Variants in ZFYVE28 observed in about 807,000 individuals in gnomAD.
ZFYVE28 encodes the protein lateral signaling target protein 2 homolog.
Under a neutral mutation model 82.1 loss-of-function variants are expected in ZFYVE28, and 40 were observed. The ratio of observed to expected loss-of-function variants is 0.49; its 90% confidence interval spans 0.38 to 0.63. ZFYVE28 has a LOEUF of 0.63. Ranked by LOEUF, ZFYVE28 falls within the 30% of genes least tolerant of loss-of-function variation. The probability of loss-of-function intolerance (pLI) is 0.00; values close to 1 mark genes in which losing one functional copy is unlikely to be tolerated. For missense variants in ZFYVE28, 1,321 were observed against 1,242.1 expected (o/e 1.06, Z -0.96); for synonymous variants, 612 against 546.1 (o/e 1.12, Z -1.68).
In ZFYVE28 at chr4:2,292,279, AG is replaced by A. The variant is rs140356550; in HGVS notation, c.2051+12009del. 4.3e-3 allele frequency among the ~76,000 whole-genome samples: 652 copies of A among 152,354 alleles called. 5 individuals carry two copies. Among genetic ancestry groups the A allele is most frequent in the African/African-American group, 0.015 (610 of 41,586 alleles). ...GCAGCTGTGGGACTCAGTGAGACCC[AG>A]CTGGCAAAGCTCCCTACATCTTCGT... is the stretch of plus-strand genomic sequence containing the variant. On this transcript the variant is annotated intron_variant, in intron 8 of 12. Coordinates refer to ENST00000290974, the MANE Select transcript of ZFYVE28 (RefSeq NM_020972.3).
chr4:2,303,840 A>G (rs17768643), intron 8 of ZFYVE28, among the ~76,000 whole-genome samples: 52,430 of 152,182 alleles, frequency 0.34, 9,185 homozygotes, highest in Non-Finnish European at 0.38. Context: ...TGAGCCAGGC[A>G]GCCACAGTGG....
chr4:2,388,223 T>C (rs1216093093), intron 1 of ZFYVE28, among the ~76,000 whole-genome samples: 1 of 152,182 alleles, frequency 6.6e-6, no homozygotes, highest in Non-Finnish European at 1.5e-5. Flanking sequence ...ACATAAAAAC[T>C]GGCAATCACG....
intron 7 of ZFYVE28, chr4:2,318,893 A>G (rs1240809077): frequency 6.6e-6 from 1 of 152,314 alleles, no homozygotes; most frequent in Non-Finnish European, 1.5e-5. Flanking sequence ...ATTGTTTTTA[A>G]TTAGCTGGGC....
chr4:2,417,645 G>A lies in ZFYVE28; in HGVS notation c.39+640C>T, dbSNP rs541799046. Among the ~76,000 whole-genome samples, 14 of 152,184 alleles carry A rather than the reference G, an allele frequency of 9.2e-5. No individual in the cohort carries two copies. Among genetic ancestry groups the A allele is most frequent in the African/African-American group, 3.4e-4 (14 of 41,542 alleles). On this transcript the variant is annotated intron_variant, in intron 1 of 12. Transcript: ENST00000290974. This position sits in a 1 kb window ranked among gnomAD's most constrained non-coding sequence, Gnocchi z 4.8. The stretch of plus-strand genomic sequence containing the variant: ...GGACAAGGGAGGGGACGCGAACTGG[G>A]CCGAGGTGTGGGTCAGTCCTGGTTC...
At chr4:2,396,858 T>C (rs1055097980) in intron 1 of ZFYVE28, among the ~76,000 whole-genome samples, 5 of 152,214 alleles carry the variant, frequency 3.3e-5, no homozygotes, top group African/African-American at 1.2e-4. Flanking sequence ...TACCTGACCC[T>C]GAAGGGGCTT....
At chr4:2,390,273 G>C (rs1382813548) in intron 1 of ZFYVE28, among the ~76,000 whole-genome samples, 1 of 152,220 alleles carries the variant, frequency 6.6e-6, no homozygotes, top group Non-Finnish European at 1.5e-5. Flanking sequence ...GGTTCCAAGA[G>C]GAACCAGCCC....
chr4:2,368,694 G>A (rs1461624470), intron 1 of ZFYVE28, among the ~76,000 whole-genome samples: 3 of 152,234 alleles, frequency 2.0e-5, no homozygotes, highest in African/African-American at 7.2e-5. Context: ...TGGATGGACA[G>A]ACCACATTTT....
intron 1 of ZFYVE28, among the ~76,000 whole-genome samples, chr4:2,406,068 A>AAGAAAGAG (rs1178919316): frequency 6.9e-6 from 1 of 144,074 alleles, no homozygotes; most frequent in Non-Finnish European, 1.5e-5. Context: ...AAAAAAAAGA[A>AAGAAAGAG]AGAAAGAAAG....
intron 1 of ZFYVE28, among the ~76,000 whole-genome samples, chr4:2,359,306 T>G (rs904819115): frequency 5.9e-5 from 9 of 152,080 alleles, no homozygotes. Context: ...TTGTATTTTT[T>G]GTAGAGACGG....
intron 1 of ZFYVE28, among the ~76,000 whole-genome samples, chr4:2,410,415 G>T (rs1283437933): frequency 6.7e-6 from 1 of 149,834 alleles, no homozygotes; most frequent in Admixed American, 6.6e-5. Context: ...CTGTATTCCA[G>T]GCTCATGGCG....
chr4:2,402,300 T>C (rs1731275144), intron 1 of ZFYVE28, among the ~76,000 whole-genome samples: 1 of 152,100 alleles, frequency 6.6e-6, no homozygotes. Context: ...GCTCCAGGGC[T>C]TGGATCAGTA....
Position 2,354,052 on chromosome 4 carries a change from C to A in ZFYVE28, c.61G>T (p.Ala21Ser), listed in dbSNP as rs1200389589. 2 of 1,571,484 alleles carry A rather than the reference C, an allele frequency of 1.3e-6. No individual in the cohort carries two copies. Among genetic ancestry groups the A allele is most frequent in the Admixed American group, 1.8e-5 (1 of 55,058 alleles). ...KPKRSDPQLL[A>S]RFYYADEELN... is the part of the protein sequence containing the mutation. ...TCCTCGTCGGCATAGTAGAACCGGGCAAGCAGCTGCGGATCCGACCTCTGC... is the reference window on the plus strand; with the variant it reads ...TCCTCGTCGGCATAGTAGAACCGGGAAAGCAGCTGCGGATCCGACCTCTGC... The change falls in exon 2 of 13, where the codon GCC becomes TCC. Residue 21 changes from alanine (A) to serine (S), a missense_variant. Around this residue, in one of 2 missense-constraint regions of ZFYVE28, gnomAD observed 343 missense variants for 408.4 expected, o/e 0.84. Coordinates refer to ENST00000290974, the MANE Select transcript of ZFYVE28 (RefSeq NM_020972.3).
At chr4:2,323,138 C>T (rs654207) in intron 6 of ZFYVE28, among the ~76,000 whole-genome samples, 39,072 of 152,082 alleles carry the variant, frequency 0.26, 6,038 homozygotes, top group Middle Eastern at 0.39. Context: ...AACTGTTTTC[C>T]GTAGCAGCTG....
At position 2,300,684 on chromosome 4, in the gene ZFYVE28, G is replaced by T. The variant is rs557186965; in HGVS notation, c.2051+3605C>A. 5.3e-5 allele frequency among the ~76,000 whole-genome samples: 8 copies of T among 152,136 alleles called. No homozygotes were observed. In the South Asian group the frequency reaches 1.3e-3, roughly 24 times the overall value. On this transcript the variant is annotated intron_variant, in intron 8 of 12. Transcript: ENST00000290974. This position sits in a 1 kb window ranked among gnomAD's most constrained non-coding sequence, Gnocchi z 4.6. ...GTCGTCTGCCTGGCCAGAAACACAGGCTCCAGGGGTCTCGGGGGAATCTCA... is the reference window on the plus strand; with the variant it reads ...GTCGTCTGCCTGGCCAGAAACACAGTCTCCAGGGGTCTCGGGGGAATCTCA...
At chr4:2,295,357 G>T (rs1312654460) in intron 8 of ZFYVE28, among the ~76,000 whole-genome samples, 1 of 150,316 alleles carries the variant, frequency 6.7e-6, no homozygotes, top group Non-Finnish European at 1.5e-5. Flanking sequence ...TTTTAGTAAA[G>T]ACGGGGTTTT....
At chr4:2,292,506 G>A (rs540993008) in intron 8 of ZFYVE28, among the ~76,000 whole-genome samples, 57 of 152,348 alleles carry the variant, frequency 3.7e-4, no homozygotes, top group African/African-American at 1.2e-3. Context: ...GCCAGATCAG[G>A]TCATCGAGTG....
At chr4:2,337,719 A>G (rs979461074) in intron 4 of ZFYVE28, among the ~76,000 whole-genome samples, 1 of 151,982 alleles carries the variant, frequency 6.6e-6, no homozygotes, top group Non-Finnish European at 1.5e-5. Context: ...AAAAAATAAA[A>G]AAGTCGGGTG....
chr4:2,278,389 C>T (rs377270275), intron 8 of ZFYVE28, among the ~76,000 whole-genome samples: 3 of 151,916 alleles, frequency 2.0e-5, no homozygotes, highest in South Asian at 2.1e-4. Flanking sequence ...GGTTTCACCA[C>T]GTTGCCCAGG....
At chr4:2,325,675 T>C (rs1449694981) in intron 6 of ZFYVE28, among the ~76,000 whole-genome samples, 1 of 151,180 alleles carries the variant, frequency 6.6e-6, no homozygotes, top group Non-Finnish European at 1.5e-5. Flanking sequence ...GATCATAGCT[T>C]ACTGCAAACT....
Sources: allele counts gnomAD v4.1 joint callset (sites outside exome capture counted in the v4.1 genomes callset), GRCh38; gene constraint gnomAD v4.1.1; regional missense constraint gnomAD v4.1.1; non-coding constraint Gnocchi (gnomAD v3.1); transcripts MANE v1.5; gene names NCBI Gene and HGNC (gene_info 2026-07-23, HGNC 2026-07-21).